Variants in STX2 observed in about 807,000 individuals in gnomAD.
STX2 encodes syntaxin-2.
In STX2, 27 loss-of-function variants were observed where a neutral mutation model predicts 40.6. That is an observed-to-expected ratio of 0.66 (90% CI 0.49 to 0.92). The LOEUF (loss-of-function observed/expected upper bound fraction) is 0.92, where lower values mean the gene tolerates loss of function less well. STX2 is among the 40% of genes least tolerant of loss of function. The pLI is 0.00. For missense variants in STX2, 328 were observed against 366.1 expected, an observed-to-expected ratio of 0.90 and a Z score of 0.85; for synonymous variants, 123 against 119.1, an observed-to-expected ratio of 1.03 and a Z score of -0.22.
rs191919931 is a variant in STX2, at chr12:130,796,084, C to T, written c.823G>A (p.Val275Ile). 154 of 1,614,124 alleles carry T rather than the reference C, an allele frequency of 9.5e-5. No homozygotes were observed. The highest frequency in any genetic ancestry group is 5.9e-6 in the Non-Finnish European group (7 of 1,180,006). The part of the protein sequence containing the change: ...WIIIAVSVVL[V>I]AIIALIIGLS... ...CCAATAATTAGAGCGATTATGGCAA[C>T]CAGAACCACTGACACAGCAATAATT... The change falls in exon 10 of 11, where the codon GTT becomes ATT. Residue 275 changes from valine (V) to isoleucine (I), a missense_variant. Val to Ile is a conservative substitution (Grantham distance 29). Transcript: ENST00000392373.
In STX2 at chr12:130,796,052, T is replaced by A. The variant is rs1363372499; in HGVS notation, c.855A>T (p.Ser285=). The A allele has an allele frequency of 1.2e-6, 2 of 1,614,190 alleles. No individual in the cohort carries two copies. The highest frequency in any genetic ancestry group is 1.7e-5 in the Admixed American group (1 of 60,022). ...GTTATCCACACCATCATTTGCCAAC[T>A]GACAAGCCAATAATTAGAGCGATTA... ...VAIIALIIGL[S]VGK Residue 285 remains serine (S), a synonymous_variant, in exon 10 of 11, where the codon TCA becomes TCT. Transcript: ENST00000392373.
At chr12:130,802,979 G>A (rs1422481087) in intron 6 of STX2, among the ~76,000 whole-genome samples, 1 of 152,222 alleles carries the variant, frequency 6.6e-6, no homozygotes, top group African/African-American at 2.4e-5. Context: ...GGTGGTGGGT[G>A]TGAAGTTTCT....
intron 1 of STX2, among the ~76,000 whole-genome samples, chr12:130,829,940 G>A (rs957860076): frequency 2.0e-5 from 3 of 152,180 alleles, no homozygotes; most frequent in Non-Finnish European, 4.4e-5. Context: ...GTGCCACATG[G>A]CTCTCAGGGC....
At chr12:130,818,182 AAAAATATATATAT>A (rs1480273620) in intron 3 of STX2, among the ~76,000 whole-genome samples, 2 of 37,364 alleles carry the variant, frequency 5.4e-5, no homozygotes, top group African/African-American at 1.5e-4. Context: ...AAAAAAAAAA[AAAAATATATATAT>A]ATATATATAT....
At position 130,830,297 on chromosome 12, in the gene STX2, G is replaced by A. The variant is rs116589103; in HGVS notation, c.31-3030C>T. On this transcript the variant is annotated intron_variant, in intron 1 of 10. Transcript: ENST00000392373. ...CCACGCTTCCCTGTGAAAGCAAGCT[G>A]CTTTCCCATGGTGACCGTCCCATGC... is the stretch of plus-strand genomic sequence containing the variant. 3.2e-3 allele frequency among the ~76,000 whole-genome samples: 494 copies of A among 152,324 alleles called. 2 individuals carry two copies. Among genetic ancestry groups the A allele is most frequent in the African/African-American group, 0.011 (461 of 41,576 alleles).
chr12:130,801,410 C>T lies in STX2; in HGVS notation c.537+5G>A. On this transcript the variant is annotated splice_donor_5th_base_variant and intron_variant, in intron 7 of 10. Transcript: ENST00000392373. ...ATGGAGCCACAGGGCCGCACCCCCA[C>T]TCACGTCGGAAGTGAAGATGGATGG... 5 of 1,606,930 alleles carry T rather than the reference C, an allele frequency of 3.1e-6. No individual in the cohort carries two copies. Among genetic ancestry groups the T allele is most frequent in the Non-Finnish European group, 4.3e-6 (5 of 1,175,874 alleles).
At chr12:130,837,548 T>C (rs1047408197) in intron 1 of STX2, among the ~76,000 whole-genome samples, 4 of 152,170 alleles carry the variant, frequency 2.6e-5, no homozygotes, top group Non-Finnish European at 5.9e-5. Flanking sequence ...CCTCCCAAAG[T>C]GCTGGGATTA....
At chr12:130,824,953 C>T (rs1022671982) in intron 2 of STX2, among the ~76,000 whole-genome samples, 3 of 152,048 alleles carry the variant, frequency 2.0e-5, no homozygotes, top group Non-Finnish European at 2.9e-5. Flanking sequence ...GCCCCTGAGA[C>T]GCCAGCAGCA....
chr12:130,797,002 G>C (rs965579766), intron 9 of STX2, among the ~76,000 whole-genome samples: 1 of 152,238 alleles, frequency 6.6e-6, no homozygotes, highest in Non-Finnish European at 1.5e-5. Context: ...CATTTGAGCG[G>C]CAAGGGGACA....
chr12:130,812,997 T>A lies in STX2; in HGVS notation c.240A>T (p.Glu80Asp). 6.5e-7 allele frequency: 1 copy of A among 1,545,886 alleles called. No individual in the cohort carries two copies. Among genetic ancestry groups the A allele is most frequent in the Non-Finnish European group, 8.7e-7 (1 of 1,154,856 alleles). ...GAATTTTATTCGCAGTTTTCTTGATTTCTTTGTTCAGATCTTCAAGCTCTT... is the reference window on the plus strand; with the variant it reads ...GAATTTTATTCGCAGTTTTCTTGATATCTTTGTTCAGATCTTCAAGCTCTT... ...IKEELEDLNK[E>D]IKKTANKIRA... Residue 80 changes from glutamate to aspartate, a missense_variant, in exon 4 of 11, where the codon GAA becomes GAT. By Grantham distance (45) the Glu-to-Asp change is conservative. Transcript: ENST00000392373.
At chr12:130,819,703 T>G in intron 3 of STX2, among the ~76,000 whole-genome samples, 1 of 152,232 alleles carries the variant, frequency 6.6e-6, no homozygotes, top group Non-Finnish European at 1.5e-5. Flanking sequence ...AGATGTTACA[T>G]AAAAGGTCCT....
intron 8 of STX2, among the ~76,000 whole-genome samples, chr12:130,799,483 C>G (rs1013892001): frequency 6.6e-6 from 1 of 152,158 alleles, no homozygotes; most frequent in African/African-American, 2.4e-5. Flanking sequence ...TTCTGTCCAG[C>G]TGGTTTCCTT....
intron 8 of STX2, among the ~76,000 whole-genome samples, chr12:130,799,032 A>C (rs1593117889): frequency 6.6e-6 from 1 of 152,364 alleles, no homozygotes; most frequent in African/African-American, 2.4e-5. Context: ...TCTTTTCCAC[A>C]AAGTAGAAAA....
chr12:130,828,124 G>A (rs1026657584), intron 1 of STX2, among the ~76,000 whole-genome samples: 1 of 152,174 alleles, frequency 6.6e-6, no homozygotes, highest in Non-Finnish European at 1.5e-5. Flanking sequence ...CTAAGGATAA[G>A]ATATTTATCA....
chr12:130,834,432 G>A (rs1382590847), intron 1 of STX2, among the ~76,000 whole-genome samples: 3 of 152,082 alleles, frequency 2.0e-5, no homozygotes, highest in East Asian at 1.9e-4. Context: ...TCAGACAAAG[G>A]GAGCAGCACC....
chr12:130,808,775 C>G (rs941033793), intron 4 of STX2, 71 bp from the exon 5 acceptor site: 8 of 1,290,892 alleles, frequency 6.2e-6, no homozygotes, highest in Non-Finnish European at 6.6e-6. Context: ...ACTTCAAATT[C>G]CTTTTATTTC....
intron 2 of STX2, among the ~76,000 whole-genome samples, chr12:130,824,844 T>C (rs943355615): frequency 1.3e-5 from 2 of 152,148 alleles, no homozygotes; most frequent in African/African-American, 4.8e-5. Context: ...GCAAAATAAA[T>C]TGACTATTTA....
At chr12:130,795,890 G>A (rs375903505) in intron 10 of STX2, 105 bp downstream of exon 10, 35 of 1,377,750 alleles carry the variant, frequency 2.5e-5, no homozygotes, top group East Asian at 1.0e-4. Flanking sequence ...TCTGTACTGC[G>A]TGGCTGGCAA....
At chr12:130,834,653 C>T (rs184383886) in intron 1 of STX2, among the ~76,000 whole-genome samples, 1 of 152,126 alleles carries the variant, frequency 6.6e-6, no homozygotes, top group Non-Finnish European at 1.5e-5. Flanking sequence ...AACTAAAGGA[C>T]ATGTTTAGAT....
Sources: gnomAD v4.1 joint callset for allele counts (sites outside exome capture counted in the v4.1 genomes callset) on GRCh38, gnomAD v4.1.1 for gene constraint, MANE v1.5 for transcripts, NCBI Gene and HGNC (gene_info 2026-07-23, HGNC 2026-07-21) for gene names.